The following TIE1 variants were observed in gnomAD, a reference collection of about 807,000 sequenced individuals.
The protein encoded by TIE1 is tyrosine-protein kinase receptor Tie-1.
A neutral mutation model predicts 130.5 loss-of-function variants in TIE1; 89 were observed. The observed-to-expected ratio is 0.68, with a 90% CI of 0.57 to 0.81. TIE1 has a LOEUF of 0.81. TIE1 is among the 40% of genes least tolerant of loss of function. The probability of loss-of-function intolerance (pLI) is 0.00; values close to 1 mark genes in which losing one functional copy is unlikely to be tolerated. For synonymous variants in TIE1, 568 were observed against 629.4 expected (o/e 0.90, Z 1.46); for missense variants, 1,392 against 1,559.8 (o/e 0.89, Z 1.81).
At chr1:43,302,460 G>A (rs1646679476) in intron 1 of TIE1, 1 of 152,352 alleles carries the variant, frequency 6.6e-6, no homozygotes, top group Non-Finnish European at 1.5e-5. Context: ...AACAGGGACA[G>A]ACACAGGAGC....
chr1:43,301,129 G>A lies in TIE1; in HGVS notation c.58G>A (p.Gly20Ser), dbSNP rs1646665532. ...LPILFLASHV[G>S]AAVDLTLLAN... ...CATCCTCTTCTTGGCTTCTCATGTG[G>A]GTAAGTCTCCCCTGAGTCCCTCACC... The change falls in exon 1 of 23, where the codon GGC becomes AGC. Residue 20 changes from glycine to serine, a missense_variant and splice_region_variant. By Grantham distance (56) the Gly-to-Ser change is moderately conservative. Transcript: ENST00000372476. 1 of 1,613,186 alleles carries A rather than the reference G, an allele frequency of 6.2e-7. No individual in the cohort carries two copies. The highest frequency in any genetic ancestry group is 8.5e-7 in the Non-Finnish European group (1 of 1,179,638).
At position 43,307,231 on chromosome 1, in the gene TIE1, T is replaced by A. The variant is rs1471471667; in HGVS notation, c.730T>A (p.Cys244Ser). ...GGVCHDHDGE[C>S]VCPPGFTGTR... ...TGTCTGCCACGACCATGACGGCGAA[T>A]GTGTATGCCCCCCTGGCTTCACTGG... Residue 244 changes from cysteine (C) to serine (S), a missense_variant, in exon 5 of 23, where the codon TGT becomes AGT. Cys to Ser is a moderately radical substitution (Grantham distance 112). This residue lies in a region of TIE1 where 415 missense variants were observed against 424.8 expected (regional missense o/e 0.98). Transcript: ENST00000372476. This position sits in a 1 kb window ranked among gnomAD's most constrained non-coding sequence, Gnocchi z 5.4. The A allele has an allele frequency of 6.2e-7, 1 of 1,613,994 alleles. No individual in the cohort carries two copies. The highest frequency in any genetic ancestry group is 1.1e-5 in the South Asian group (1 of 91,082).
chr1:43,307,764 T>C lies in TIE1; in HGVS notation c.914-32T>C, dbSNP rs771139411. The stretch of plus-strand genomic sequence containing the variant: ...TGTGCCCTCATTGCCCCCTGTCCCA[T>C]GCCCCTCTAATCATACCTCCTCTAT... On this transcript the variant is annotated intron_variant, in intron 6 of 22. Transcript: ENST00000372476. This position sits in a 1 kb window ranked among gnomAD's most constrained non-coding sequence, Gnocchi z 5.4. 5 of 1,613,264 alleles carry C rather than the reference T, an allele frequency of 3.1e-6. No homozygotes were observed. In the South Asian group the frequency reaches 5.5e-5, roughly 18 times the overall value.
Position 43,305,350 on chromosome 1 carries a change from AG to A in TIE1, c.484+11del. ...GTGATCTGGAAGAGCAACGGTAAAG[AG>A]GGGCATTTGAACTGGTGGGGAGGGT... On this transcript the variant is annotated splice_region_variant and intron_variant, in intron 3 of 22. Transcript: ENST00000372476. 1 of 1,542,982 alleles carries A rather than the reference AG, an allele frequency of 6.5e-7. No homozygotes were observed. Among genetic ancestry groups the A allele is most frequent in the Non-Finnish European group, 8.8e-7 (1 of 1,139,798 alleles).
In TIE1 at chr1:43,307,385, C is replaced by T. The variant is rs1331986783; in HGVS notation, c.773-47C>T. 1.2e-6 allele frequency: 2 copies of T among 1,609,446 alleles called. No homozygotes were observed. The highest frequency in any genetic ancestry group is 1.7e-6 in the Non-Finnish European group (2 of 1,176,484). On this transcript the variant is annotated intron_variant, in intron 5 of 22. Transcript: ENST00000372476. This position sits in a 1 kb window ranked among gnomAD's most constrained non-coding sequence, Gnocchi z 5.4. ...GTAAGGGCGACAGGCAGGTCCTGGG[C>T]CCAGGGGCCCACAGAGGCCCATACA...
In TIE1 at chr1:43,319,737, C is replaced by T. The variant is rs1646895018; in HGVS notation, c.3107+208C>T. ...CTTGGAAGGTGTTTCAGGAATAGGACTGGGGTAAAGGTAGTTTCGGATTAT... is the reference window on the plus strand; with the variant it reads ...CTTGGAAGGTGTTTCAGGAATAGGATTGGGGTAAAGGTAGTTTCGGATTAT... On this transcript the variant is annotated intron_variant, in intron 19 of 22. Coordinates refer to ENST00000372476, the MANE Select transcript of TIE1 (RefSeq NM_005424.5). This position sits in a 1 kb window ranked among gnomAD's most constrained non-coding sequence, Gnocchi z 4.7. The T allele has an allele frequency of 1.8e-5, 11 of 600,528 alleles. No homozygotes were observed. The East Asian group carries it at 3.1e-4, about 17-fold the overall frequency. 37.2% of individuals were successfully genotyped at this position (600,528 alleles called of 1,614,324 possible).
In TIE1 at chr1:43,307,058, C is replaced by T. The variant is rs1646736296; in HGVS notation, c.640+63C>T. On this transcript the variant is annotated intron_variant, in intron 4 of 22. Coordinates refer to ENST00000372476, the MANE Select transcript of TIE1 (RefSeq NM_005424.5). This position sits in a 1 kb window ranked among gnomAD's most constrained non-coding sequence, Gnocchi z 5.4. ...AGGCTGGGAGCCCTATGGGTACTTC[C>T]TGTGGGTCCCCTGGAGCCCCTGGAT... 3 of 1,612,588 alleles carry T rather than the reference C, an allele frequency of 1.9e-6. No individual in the cohort carries two copies. Among genetic ancestry groups the T allele is most frequent in the Non-Finnish European group, 2.5e-6 (3 of 1,179,428 alleles).
At chr1:43,310,835 A>G (rs1479362294) in intron 9 of TIE1, among the ~76,000 whole-genome samples, 2 of 152,040 alleles carry the variant, frequency 1.3e-5, no homozygotes, top group Non-Finnish European at 2.9e-5. Context: ...TGACATGCTC[A>G]TTGCTGCCTG....
chr1:43,307,442 G>A lies in TIE1; in HGVS notation c.783G>A (p.Glu261=). 1 of 1,614,148 alleles carries A rather than the reference G, an allele frequency of 6.2e-7. No individual in the cohort carries two copies. The highest frequency in any genetic ancestry group is 8.5e-7 in the Non-Finnish European group (1 of 1,180,012). ...TGTRCEQACR[E]GRFGQSCQEQ... The stretch of plus-strand genomic sequence containing the variant: ...ACACTCTCTTTCTAGCCTGCAGAGA[G>A]GGCCGTTTTGGGCAGAGCTGCCAGG... The change falls in exon 6 of 23, where the codon GAG becomes GAA. Residue 261 remains glutamate, a synonymous_variant. Transcript: ENST00000372476. This position sits in a 1 kb window ranked among gnomAD's most constrained non-coding sequence, Gnocchi z 5.4.
intron 7 of TIE1, among the ~76,000 whole-genome samples, chr1:43,308,651 C>T (rs1646755892): frequency 6.6e-6 from 1 of 152,100 alleles, no homozygotes; most frequent in African/African-American, 2.4e-5. Context: ...TAGCTGCTGG[C>T]CGGGGAGCGG....
At position 43,305,136 on chromosome 1, in the gene TIE1, G is replaced by C; in HGVS notation, c.344G>C (p.Arg115Pro). Reference protein sequence around the residue: ...CVGGAGARRTRVIYVHNSPGA... With the variant: ...CVGGAGARRTPVIYVHNSPGA... ...GGCGGTGCTGGGGCGCGGCGCACGCGCGTCATCTACGTGCACAACAGCCCT... is the reference window on the plus strand; with the variant it reads ...GGCGGTGCTGGGGCGCGGCGCACGCCCGTCATCTACGTGCACAACAGCCCT... The change falls in exon 2 of 23, where the codon CGC (arginine) becomes CCC (proline). Residue 115 changes from arginine to proline, a missense_variant. Physicochemically the swap from Arg to Pro is moderately radical, Grantham distance 103. This residue lies in a region of TIE1 where 415 missense variants were observed against 424.8 expected (regional missense o/e 0.98). Transcript: ENST00000372476. 2 of 1,613,854 alleles carry C rather than the reference G, an allele frequency of 1.2e-6. No homozygotes were observed. Among genetic ancestry groups the C allele is most frequent in the Non-Finnish European group, 1.7e-6 (2 of 1,179,868 alleles).
At chr1:43,305,394 G>T in intron 3 of TIE1, 51 bp downstream of exon 3, 1 of 1,449,946 alleles carries the variant, frequency 6.9e-7, no homozygotes, top group Non-Finnish European at 9.2e-7. Context: ...TCGTTCTGAG[G>T]CCCCAACACT....
Position 43,319,216 on chromosome 1 carries a change from C to A in TIE1, c.2923-19C>A, listed in dbSNP as rs758287559. The A allele has an allele frequency of 1.2e-6, 2 of 1,600,786 alleles. No homozygotes were observed. Among genetic ancestry groups the A allele is most frequent in the African/African-American group, 2.7e-5 (2 of 74,712 alleles). On this transcript the variant is annotated intron_variant, in intron 17 of 22. Coordinates refer to ENST00000372476, the MANE Select transcript of TIE1 (RefSeq NM_005424.5). This position sits in a 1 kb window ranked among gnomAD's most constrained non-coding sequence, Gnocchi z 4.7. ...CTCCCTCATCCCCAGTCTCTCCTGA[C>A]TTCTGACCCTGCCTACAGTTCATCC...
At chr1:43,308,752 G>C in intron 7 of TIE1, 1 of 627,806 alleles carries the variant, frequency 1.6e-6, no homozygotes, top group South Asian at 1.6e-5. Flanking sequence ...TGAGGGGTCT[G>C]CTGGCAGGTA....
intron 1 of TIE1, 131 bp downstream of exon 1, chr1:43,301,260 G>A: frequency 2.0e-6 from 2 of 980,596 alleles, no homozygotes; most frequent in South Asian, 3.8e-5. Context: ...AGGAAGAAAT[G>A]GGGAGTTTTG....
chr1:43,312,679 G>A lies in TIE1; in HGVS notation c.1927+78G>A, dbSNP rs1200281867. ...GGGACACATGAGACCTAGGAGACAC[G>A]GGAGGCTGTAGGAGATTAATGGACA... is the stretch of plus-strand genomic sequence containing the variant. On this transcript the variant is annotated intron_variant, in intron 12 of 22. Coordinates refer to ENST00000372476, the MANE Select transcript of TIE1 (RefSeq NM_005424.5). This position sits in a 1 kb window ranked among gnomAD's most constrained non-coding sequence, Gnocchi z 5.6. The A allele has an allele frequency of 9.4e-6, 14 of 1,489,270 alleles. No homozygotes were observed. The highest frequency in any genetic ancestry group is 7.9e-5 in the South Asian group (6 of 76,080). 92.3% of individuals were successfully genotyped at this position (1,489,270 alleles called of 1,614,324 possible). A position where few individuals can be genotyped will look rare whatever the true frequency, so the allele number is the denominator to read the frequency against.
At chr1:43,305,782 C>A (rs1049239800) in intron 3 of TIE1, among the ~76,000 whole-genome samples, 7 of 152,238 alleles carry the variant, frequency 4.6e-5, no homozygotes, top group African/African-American at 1.7e-4. Context: ...CCAAGACAGC[C>A]TCATGCTGAG....
At chr1:43,302,784 T>C (rs1646682443) in intron 1 of TIE1, among the ~76,000 whole-genome samples, 1 of 151,676 alleles carries the variant, frequency 6.6e-6, no homozygotes, top group African/African-American at 2.4e-5. Flanking sequence ...GGAGGATGAG[T>C]TGCAGAAGGA....
In TIE1 at chr1:43,306,932, T is replaced by C. The variant is rs1350158596; in HGVS notation, c.577T>C (p.Tyr193His). Reference protein sequence around the residue: ...PNVQPPSSGIYSATYLEASPL... With the variant: ...PNVQPPSSGIHSATYLEASPL... ...TGTGCAGCCACCATCGAGCGGCATC[T>C]ACAGTGCCACTTACCTGGAAGCCAG... is the stretch of plus-strand genomic sequence containing the variant. Residue 193 changes from tyrosine to histidine, a missense_variant, in exon 4 of 23, where the codon TAC becomes CAC. Tyr to His is a moderately conservative substitution (Grantham distance 83). Around this residue, in one of 6 missense-constraint regions of TIE1, gnomAD observed 415 missense variants for 424.8 expected, o/e 0.98. Transcript: ENST00000372476. This position sits in a 1 kb window ranked among gnomAD's most constrained non-coding sequence, Gnocchi z 4.9. The C allele has an allele frequency of 6.2e-7, 1 of 1,614,060 alleles. No individual in the cohort carries two copies. The highest frequency in any genetic ancestry group is 8.5e-7 in the Non-Finnish European group (1 of 1,180,022).
Sources: allele counts gnomAD v4.1 joint callset (sites outside exome capture counted in the v4.1 genomes callset), GRCh38; gene constraint gnomAD v4.1.1; regional missense constraint gnomAD v4.1.1; non-coding constraint Gnocchi (gnomAD v3.1); transcripts MANE v1.5; gene names NCBI Gene and HGNC (gene_info 2026-07-23, HGNC 2026-07-21).